Variants in TECPR2 observed in about 807,000 individuals in gnomAD.
The protein encoded by TECPR2 is tectonin beta-propeller repeat-containing protein 2.
Under a neutral mutation model 138.1 loss-of-function variants are expected in TECPR2, and 65 were observed. The observed-to-expected ratio is 0.47, with a 90% CI of 0.39 to 0.58. The LOEUF (loss-of-function observed/expected upper bound fraction) is 0.58. Among genes scored for constraint, TECPR2 ranks in the 20% least tolerant of loss-of-function variants. TECPR2 has a pLI of 0.00. For synonymous variants in TECPR2, 746 were observed against 749.8 expected, an observed-to-expected ratio of 0.99 and a Z score of 0.08; for missense variants, 1,553 against 1,824.5, an observed-to-expected ratio of 0.85 and a Z score of 2.71.
At position 102,498,732 on chromosome 14, in the gene TECPR2, AG is replaced by A; in HGVS notation, c.*481del. The A allele has an allele frequency of 4.5e-6, 2 of 448,570 alleles. No individual in the cohort carries two copies. Among genetic ancestry groups the A allele is most frequent in the Non-Finnish European group, 8.8e-6 (2 of 227,518 alleles). The allele number at this position is 448,570 out of a possible 1,614,324, so 27.8% of individuals were successfully genotyped here. A position where few individuals can be genotyped will look rare whatever the true frequency, so the allele number is the denominator to read the frequency against. On this transcript the variant is annotated 3_prime_UTR_variant, in exon 20 of 20. Coordinates refer to ENST00000359520, the MANE Select transcript of TECPR2 (RefSeq NM_014844.5). The stretch of plus-strand genomic sequence containing the variant: ...CTCGGTGATGGCTTTGTCCCATCAT[AG>A]GGGGGTGTCCCCCCAGAGACAAAGC...
In TECPR2 at chr14:102,420,760, C is replaced by G. The variant is rs965719826; in HGVS notation, c.639-4219C>G. On this transcript the variant is annotated intron_variant, in intron 5 of 19. Transcript: ENST00000359520. The surrounding 1 kb of genome is among the most constrained non-coding windows in gnomAD (Gnocchi z 4.1). ...TGCTGGGATTACAGGTGTGAGCCAC[C>G]ATGCCCAGCTATTCAGCAGTTTTAG... Among the ~76,000 whole-genome samples the G allele has an allele frequency of 1.3e-5, 2 of 152,188 alleles. No homozygotes were observed. The highest frequency in any genetic ancestry group is 2.4e-5 in the African/African-American group (1 of 41,446).
Position 102,440,599 on chromosome 14 carries a change from C to T in TECPR2, c.2742C>T (p.Tyr914=), listed in dbSNP as rs1889802643. Residue 914 remains tyrosine, a synonymous_variant, in exon 11 of 20, where the codon TAC becomes TAT. Coordinates refer to ENST00000359520, the MANE Select transcript of TECPR2 (RefSeq NM_014844.5). The part of the protein sequence containing the change: ...AWIIRTSGDL[Y]LQTGLSVDRP... ...TCATCAGGACCAGTGGGGACCTATA[C>T]TTGCAGACAGGTAACCGCGGGCCAC... 1.2e-6 allele frequency: 2 copies of T among 1,613,596 alleles called. No individual in the cohort carries two copies. The highest frequency in any genetic ancestry group is 1.7e-5 in the Admixed American group (1 of 59,910).
chr14:102,376,983 A>G lies in TECPR2; in HGVS notation c.219+43A>G, dbSNP rs780820370. 10 of 1,578,182 alleles carry G rather than the reference A, an allele frequency of 6.3e-6. No individual in the cohort carries two copies. In the East Asian group the frequency reaches 1.4e-4, roughly 22 times the overall value. On this transcript the variant is annotated intron_variant, in intron 2 of 19. Transcript: ENST00000359520. ...TTTCACCTGAGGGGGCACGAGCCAT[A>G]GCTGACGCTTAACATGCTTGTGTTC... is the stretch of plus-strand genomic sequence containing the variant.
At chr14:102,498,051 AC>A in intron 19 of TECPR2, 51 bp from the exon 20 acceptor site, 1 of 1,585,274 alleles carries the variant, frequency 6.3e-7, no homozygotes. Flanking sequence ...ATCTGTGCCC[AC>A]CCCACAGGCT....
At chr14:102,364,972 C>T (rs564371333) in intron 1 of TECPR2, among the ~76,000 whole-genome samples, 47 of 152,266 alleles carry the variant, frequency 3.1e-4, no homozygotes, top group South Asian at 6.2e-4. Flanking sequence ...GATGGCTTTG[C>T]GAATTGCTAA....
chr14:102,442,841 C>T (rs1046561333), intron 11 of TECPR2, among the ~76,000 whole-genome samples: 11 of 152,308 alleles, frequency 7.2e-5, no homozygotes, highest in Admixed American at 5.2e-4. Flanking sequence ...GGGTTGTAGG[C>T]GACAGTTGGT....
In TECPR2 at chr14:102,452,484, C is replaced by T; in HGVS notation, c.3497C>T (p.Pro1166Leu). The change falls in exon 16 of 20, where the codon CCT (proline) becomes CTT (leucine). Residue 1166 changes from proline to leucine, a missense_variant. Pro to Leu is a moderately conservative substitution (Grantham distance 98). Transcript: ENST00000359520. ...TCGCGGCCCTCCACGGTGCAGCTGCCTCCCGAAGCCGAGATGCGCGCCTAT... is the reference window on the plus strand; with the variant it reads ...TCGCGGCCCTCCACGGTGCAGCTGCTTCCCGAAGCCGAGATGCGCGCCTAT... ...AQSRPSTVQL[P>L]PEAEMRAYAA... is the part of the protein sequence containing the mutation. 1 of 1,613,466 alleles carries T rather than the reference C, an allele frequency of 6.2e-7. No individual in the cohort carries two copies. Among genetic ancestry groups the T allele is most frequent in the Non-Finnish European group, 8.5e-7 (1 of 1,179,944 alleles).
chr14:102,421,045 C>T (rs1053042063), intron 5 of TECPR2, among the ~76,000 whole-genome samples: 3 of 152,122 alleles, frequency 2.0e-5, no homozygotes, highest in Non-Finnish European at 2.9e-5. Context: ...GCATCAAACA[C>T]GATGTCTTAC....
At chr14:102,438,402 G>A (rs1383047156) in intron 10 of TECPR2, 197 bp downstream of exon 10, 8 of 622,066 alleles carry the variant, frequency 1.3e-5, no homozygotes, top group Non-Finnish European at 2.1e-5. Context: ...TTCATTGGAT[G>A]TCAATTCGTA....
intron 2 of TECPR2, among the ~76,000 whole-genome samples, chr14:102,394,006 T>G (rs74487361): frequency 0.012 from 1,808 of 152,326 alleles, 40 homozygotes; most frequent in African/African-American, 0.041. Flanking sequence ...GGAAAATATT[T>G]TGTTTTCAAC....
rs929198740 is a variant in TECPR2, at chr14:102,501,670, A to C, written c.*3413A>C. ...TACCTTAAAAACCTATACAACAATA[A>C]GAGGAGTGCGCCCTTCAGCAGCATG... On this transcript the variant is annotated 3_prime_UTR_variant, in exon 20 of 20. Transcript: ENST00000359520. 4.6e-5 allele frequency: 7 copies of C among 152,250 alleles called. No individual in the cohort carries two copies. Among genetic ancestry groups the C allele is most frequent in the African/African-American group, 1.4e-4 (6 of 41,470 alleles). The allele number at this position is 152,250 out of a possible 1,614,324, so 9.4% of individuals were successfully genotyped here.
intron 13 of TECPR2, among the ~76,000 whole-genome samples, chr14:102,447,873 T>C (rs1890028555): frequency 6.6e-6 from 1 of 151,998 alleles, no homozygotes; most frequent in Non-Finnish European, 1.5e-5. Context: ...CATTGGTTTA[T>C]GTTTTATTGT....
Position 102,449,844 on chromosome 14 carries a change from C to T in TECPR2, c.3291C>T (p.Phe1097=), listed in dbSNP as rs1890095863. The change falls in exon 14 of 20, where the codon TTC becomes TTT. Residue 1097 remains phenylalanine, a synonymous_variant. Transcript: ENST00000359520. ...GVWISSGKNE[F]HVAKGSLIGT... is the part of the protein sequence containing the mutation. ...GGATCTCCTCGGGCAAGAATGAATT[C>T]CACGTCGCTAAGGGAAGTCTCATAG... is the stretch of plus-strand genomic sequence containing the variant. 1.2e-6 allele frequency: 2 copies of T among 1,613,898 alleles called. No individual in the cohort carries two copies. The highest frequency in any genetic ancestry group is 1.7e-5 in the Admixed American group (1 of 60,016).
chr14:102,449,478 C>G, intron 13 of TECPR2, 151 bp from the exon 14 acceptor site: 1 of 1,288,920 alleles, frequency 7.8e-7, no homozygotes, highest in East Asian at 2.3e-5. Flanking sequence ...GGTCCTTTCA[C>G]AAGCGCACAC....
At chr14:102,393,622 G>T (rs137906386) in intron 2 of TECPR2, among the ~76,000 whole-genome samples, 2,229 of 152,196 alleles carry the variant, frequency 0.015, 52 homozygotes, top group African/African-American at 0.051. Context: ...GCAGTGGCAT[G>T]ATCTTGGCTC....
At chr14:102,392,285 G>A (rs1003620226) in intron 2 of TECPR2, among the ~76,000 whole-genome samples, 1 of 152,126 alleles carries the variant, frequency 6.6e-6, no homozygotes, top group African/African-American at 2.4e-5. Context: ...GAGCCACTGC[G>A]CCTGGCTGAG....
rs115768793 is a variant in TECPR2, at chr14:102,484,425, C to T, written c.3790-12554C>T. ...GGCAGAGGCTTTCTTCAGATGTTGG[C>T]AGTCCCCTGGTTGGAAGAGTGAGGC... On this transcript the variant is annotated intron_variant, in intron 17 of 19. Coordinates refer to ENST00000359520, the MANE Select transcript of TECPR2 (RefSeq NM_014844.5). Among the ~76,000 whole-genome samples the T allele has an allele frequency of 8.6e-3, 1,307 of 152,242 alleles. 16 individuals are homozygous for T. Among genetic ancestry groups the T allele is most frequent in the African/African-American group, 0.026 (1,065 of 41,546 alleles).
chr14:102,440,067 T>C (rs1227408269), intron 10 of TECPR2, among the ~76,000 whole-genome samples: 1 of 152,240 alleles, frequency 6.6e-6, no homozygotes, highest in Non-Finnish European at 1.5e-5. Context: ...TTATCAAACC[T>C]AATAATGTCA....
At chr14:102,368,623 T>A (rs1021402217) in intron 1 of TECPR2, among the ~76,000 whole-genome samples, 24 of 152,098 alleles carry the variant, frequency 1.6e-4, no homozygotes, top group Non-Finnish European at 2.6e-4. Flanking sequence ...TTTTTTTTTT[T>A]TATTTTTGTC....
Sources: allele counts gnomAD v4.1 joint callset (sites outside exome capture counted in the v4.1 genomes callset), GRCh38; gene constraint gnomAD v4.1.1; non-coding constraint Gnocchi (gnomAD v3.1); transcripts MANE v1.5; gene names NCBI Gene and HGNC (gene_info 2026-07-23, HGNC 2026-07-21).